PMFBP1: variants seen among roughly 807,000 people sequenced by gnomAD.
The protein encoded by PMFBP1 is polyamine-modulated factor 1-binding protein 1.
A neutral mutation model predicts 137.8 loss-of-function variants in PMFBP1; 131 were observed. That is an observed-to-expected ratio of 0.95 (90% CI 0.82 to 1.10). PMFBP1 has a LOEUF of 1.10. Ranked by LOEUF, PMFBP1 falls within the 50% of genes least tolerant of loss-of-function variation. PMFBP1 has a pLI of 0.00. For synonymous variants in PMFBP1, 490 were observed against 450.4 expected (o/e 1.09, Z -1.11); for missense variants, 1,199 against 1,175.4 (o/e 1.02, Z -0.29).
At chr16:72,135,213 G>A (rs1429664174) in intron 9 of PMFBP1, among the ~76,000 whole-genome samples, 2 of 152,080 alleles carry the variant, frequency 1.3e-5, no homozygotes, top group Non-Finnish European at 2.9e-5. Flanking sequence ...TTTCGCTCTT[G>A]TTGCCCAGGC....
At chr16:72,179,284 C>A (rs1279119233), upstream of PMFBP1, among the ~76,000 whole-genome samples, 1 of 152,160 alleles carries the variant, frequency 6.6e-6, no homozygotes, top group East Asian at 1.9e-4. Flanking sequence ...CTAATAGAGC[C>A]CCTGGTGCTA....
At chr16:72,184,670 GTTC>G in the PMFBP1 span, among the ~76,000 whole-genome samples, 2 of 152,204 alleles carry the variant, frequency 1.3e-5, no homozygotes, top group African/African-American at 4.8e-5. Context: ...TCTGGAATTT[GTTC>G]TTAACCACTA....
upstream of PMFBP1, among the ~76,000 whole-genome samples, chr16:72,180,213 A>G (rs2043271408): frequency 6.6e-6 from 1 of 152,204 alleles, no homozygotes; most frequent in South Asian, 2.1e-4. Flanking sequence ...CAAGGCACTT[A>G]GAGGCCAGGG....
At chr16:72,188,812 C>A in the PMFBP1 span, among the ~76,000 whole-genome samples, 2 of 152,134 alleles carry the variant, frequency 1.3e-5, no homozygotes, top group African/African-American at 4.8e-5. Context: ...CCCATACTCC[C>A]TAATTTGCTA....
intron 3 of PMFBP1, among the ~76,000 whole-genome samples, chr16:72,162,425 T>C (rs1374080537): frequency 6.6e-6 from 1 of 152,256 alleles, no homozygotes; most frequent in Non-Finnish European, 1.5e-5. Flanking sequence ...TAACAGCTAA[T>C]GTAACATTTT....
At chr16:72,245,858 T>A in the PMFBP1 span, among the ~76,000 whole-genome samples, 1 of 152,308 alleles carries the variant, frequency 6.6e-6, no homozygotes, top group South Asian at 2.1e-4. Flanking sequence ...ACACTTGTAT[T>A]TGAACACCCA....
the PMFBP1 span, among the ~76,000 whole-genome samples, chr16:72,199,653 C>CAAAAA: frequency 1.2e-5 from 1 of 82,428 alleles, no homozygotes; most frequent in African/African-American, 5.3e-5. Context: ...GACTCCGTCT[C>CAAAAA]AAAAAAAAAA....
chr16:72,198,147 G>C, the PMFBP1 span, among the ~76,000 whole-genome samples: 2 of 152,096 alleles, frequency 1.3e-5, no homozygotes, highest in African/African-American at 4.8e-5. Context: ...ATGTGAACTT[G>C]AATGTACTGT....
chr16:72,137,954 T>C lies in PMFBP1; in HGVS notation c.919-1135A>G, dbSNP rs142985659. On this transcript the variant is annotated intron_variant, in intron 7 of 20. Coordinates refer to ENST00000237353, the MANE Select transcript of PMFBP1 (RefSeq NM_031293.3). ...TCAAAGCCCCACACTGTGCCACACT[T>C]GCCGAGGGGAGGAGAGGCCTGCTGG... 8.5e-3 allele frequency among the ~76,000 whole-genome samples: 1,293 copies of C among 152,156 alleles called. 11 individuals carry two copies. Among genetic ancestry groups the C allele is most frequent in the Non-Finnish European group, 9.8e-3 (667 of 68,000 alleles).
chr16:72,124,957 G>A, intron 16 of PMFBP1, 23 bp from the exon 17 acceptor site: 3 of 1,608,700 alleles, frequency 1.9e-6, no homozygotes, highest in Non-Finnish European at 2.6e-6. Flanking sequence ...GCAAAGTGAG[G>A]AGGGGGACTC....
chr16:72,249,536 A>G, the PMFBP1 span, among the ~76,000 whole-genome samples: 2 of 152,092 alleles, frequency 1.3e-5, no homozygotes, highest in Non-Finnish European at 2.9e-5. Context: ...ATAATTATTT[A>G]CTGGCACCTA....
upstream of PMFBP1, among the ~76,000 whole-genome samples, chr16:72,174,266 G>A (rs1438569408): frequency 6.6e-6 from 1 of 152,196 alleles, no homozygotes; most frequent in African/African-American, 2.4e-5. Flanking sequence ...CTATTACTCA[G>A]TGTTTTTGTT....
the PMFBP1 span, among the ~76,000 whole-genome samples, chr16:72,243,108 A>C: frequency 1.3e-5 from 2 of 152,236 alleles, no homozygotes; most frequent in African/African-American, 4.8e-5. Flanking sequence ...GCATTTTATC[A>C]GTCATGGAAA....
chr16:72,235,835 T>G, the PMFBP1 span, among the ~76,000 whole-genome samples: 1 of 152,172 alleles, frequency 6.6e-6, no homozygotes, highest in African/African-American at 2.4e-5. Flanking sequence ...TGCCTATTGA[T>G]CTTGTGTCGT....
the PMFBP1 span, among the ~76,000 whole-genome samples, chr16:72,205,430 C>G: frequency 3.9e-5 from 6 of 152,216 alleles, no homozygotes; most frequent in Admixed American, 1.3e-4. Flanking sequence ...TGTGGCATCT[C>G]CTACAGTAAC....
the PMFBP1 span, among the ~76,000 whole-genome samples, chr16:72,222,864 G>A: frequency 1.3e-5 from 2 of 152,094 alleles, no homozygotes; most frequent in African/African-American, 4.8e-5. Flanking sequence ...ATTATTTAAA[G>A]GTGACATTTA....
chr16:72,130,150 T>C (rs1452042389), intron 12 of PMFBP1, 63 bp downstream of exon 12: 1 of 1,593,732 alleles, frequency 6.3e-7, no homozygotes, highest in African/African-American at 1.3e-5. Context: ...CCACTGCTCC[T>C]AGTCTGTGTT....
rs1442809263 is a variant in PMFBP1, at chr16:72,140,540, T to G, written c.679A>C (p.Thr227Pro). The G allele has an allele frequency of 6.2e-7, 1 of 1,613,764 alleles. No homozygotes were observed. The change falls in exon 6 of 21, where the codon ACT (threonine) becomes CCT (proline). Residue 227 changes from threonine to proline, a missense_variant. Thr to Pro is a conservative substitution (Grantham distance 38). Transcript: ENST00000237353. ...KGDHSKVRIY[T>P]SPCMIQEHQE... Reference sequence around the variant, plus strand: ...TGCTCTTGAATCATGCAAGGAGAAGTGTATATCCGTACCTTTGAATGATCA... The same window carrying G: ...TGCTCTTGAATCATGCAAGGAGAAGGGTATATCCGTACCTTTGAATGATCA...
At chr16:72,135,832 A>G (rs1158784682) in intron 9 of PMFBP1, among the ~76,000 whole-genome samples, 1 of 125,370 alleles carries the variant, frequency 8.0e-6, no homozygotes, top group Non-Finnish European at 1.6e-5. Flanking sequence ...TGCAACCTCC[A>G]CCTCCTGGGC....
Sources: allele counts gnomAD v4.1 joint callset (sites outside exome capture counted in the v4.1 genomes callset), GRCh38; gene constraint gnomAD v4.1.1; transcripts MANE v1.5; gene names NCBI Gene and HGNC (gene_info 2026-07-23, HGNC 2026-07-21).